PCCA: variants seen among roughly 807,000 people sequenced by gnomAD.
PCCA encodes the protein propionyl-CoA carboxylase subunit alpha, also known as propionyl-CoA carboxylase alpha chain, mitochondrial.
In PCCA, 74 loss-of-function variants were observed where a neutral mutation model predicts 101.3. The ratio of observed to expected loss-of-function variants is 0.73; its 90% confidence interval spans 0.61 to 0.89. PCCA has a LOEUF of 0.89. Ranked by LOEUF, PCCA falls within the 40% of genes least tolerant of loss-of-function variation. PCCA has a pLI of 0.00. For missense variants in PCCA, 891 were observed against 907.0 expected, an observed-to-expected ratio of 0.98 and a Z score of 0.23; for synonymous variants, 294 against 313.6, an observed-to-expected ratio of 0.94 and a Z score of 0.66.
chr13:100,528,823 G>A (rs949580144), intron 23 of PCCA, among the ~76,000 whole-genome samples: 3 of 152,206 alleles, frequency 2.0e-5, no homozygotes, highest in Non-Finnish European at 2.9e-5. Flanking sequence ...AATTTTATCT[G>A]TTCTTTGGGA....
intron 18 of PCCA, among the ~76,000 whole-genome samples, chr13:100,362,102 C>T (rs1199204534): frequency 2.6e-5 from 4 of 152,076 alleles, no homozygotes; most frequent in Non-Finnish European, 4.4e-5. Flanking sequence ...TGGATGGATG[C>T]ACCTCAAAAA....
At chr13:100,511,078 C>G (rs1186000484) in intron 21 of PCCA, among the ~76,000 whole-genome samples, 4 of 152,202 alleles carry the variant, frequency 2.6e-5, no homozygotes, top group Non-Finnish European at 5.9e-5. Context: ...TGGCTCCTAA[C>G]CTTGCTCTGC....
At chr13:100,227,146 G>GTT (rs370047489) in intron 7 of PCCA, among the ~76,000 whole-genome samples, 5 of 147,224 alleles carry the variant, frequency 3.4e-5, no homozygotes, top group African/African-American at 1.2e-4. Flanking sequence ...TAATTTTTTT[G>GTT]TTTTTTTTTT....
intron 6 of PCCA, among the ~76,000 whole-genome samples, chr13:100,203,293 A>G (rs7991510): frequency 0.015 from 2,206 of 151,448 alleles, 62 homozygotes; most frequent in African/African-American, 0.05. Flanking sequence ...AAAAAAAAGA[A>G]ATGAGATGAT....
intron 6 of PCCA, among the ~76,000 whole-genome samples, chr13:100,186,939 A>C (rs1199279906): frequency 6.6e-6 from 1 of 152,216 alleles, no homozygotes; most frequent in Non-Finnish European, 1.5e-5. Context: ...AGAATTCAAA[A>C]TTTTCAATGG....
intron 18 of PCCA, among the ~76,000 whole-genome samples, chr13:100,356,862 T>C (rs1276124089): frequency 6.6e-6 from 1 of 152,206 alleles, no homozygotes; most frequent in Non-Finnish European, 1.5e-5. Context: ...ATGTGATACG[T>C]TCATAGAATG....
intron 4 of PCCA, chr13:100,150,562 A>T: frequency 7.9e-7 from 1 of 1,260,582 alleles, no homozygotes; most frequent in South Asian, 1.2e-5. Flanking sequence ...GGTGGAACTT[A>T]CGGCCGTTTC....
At chr13:100,509,212 C>T (rs757596587) in intron 21 of PCCA, among the ~76,000 whole-genome samples, 4 of 152,156 alleles carry the variant, frequency 2.6e-5, no homozygotes, top group South Asian at 2.1e-4. Flanking sequence ...TAACTGTTAC[C>T]GTGACGCTGA....
chr13:100,360,102 G>A (rs1261325399), intron 18 of PCCA, among the ~76,000 whole-genome samples: 1 of 152,150 alleles, frequency 6.6e-6, no homozygotes, highest in Non-Finnish European at 1.5e-5. Flanking sequence ...CAGAATCATG[G>A]ACGAGGAGGG....
At chr13:100,145,048 A>G (rs2052358577) in intron 4 of PCCA, among the ~76,000 whole-genome samples, 1 of 152,238 alleles carries the variant, frequency 6.6e-6, no homozygotes, top group South Asian at 2.1e-4. Context: ...GTAGAGCCAT[A>G]TCTTGGAATT....
chr13:100,139,913 G>GTT (rs200635877), intron 4 of PCCA, among the ~76,000 whole-genome samples: 3 of 142,590 alleles, frequency 2.1e-5, no homozygotes, highest in Non-Finnish European at 1.5e-5. Flanking sequence ...GTTTTTTTTT[G>GTT]TTTTTTTTTT....
chr13:100,384,427 C>G (rs921864200), intron 19 of PCCA, among the ~76,000 whole-genome samples: 2 of 152,162 alleles, frequency 1.3e-5, no homozygotes, highest in African/African-American at 2.4e-5. Flanking sequence ...ATCTTCTGCA[C>G]AAAATAATAA....
chr13:100,264,216 CTCAT>C lies in PCCA; in HGVS notation c.819+1386_819+1389del, dbSNP rs1295463980. Among the ~76,000 whole-genome samples the C allele has an allele frequency of 1.9e-5, 2 of 103,432 alleles. 1 individual carries two copies. Among genetic ancestry groups the C allele is most frequent in the Non-Finnish European group, 4.5e-5 (2 of 43,976 alleles). 67.9% of individuals were successfully genotyped at this position (103,432 alleles called of 152,430 possible). ...TATATCATATATGTGATATCTGTAT[CTCAT>C]ATATATGTGATATCTGTATATCATA... On this transcript the variant is annotated intron_variant, in intron 10 of 23. Coordinates refer to ENST00000376285, the MANE Select transcript of PCCA (RefSeq NM_000282.4).
chr13:100,484,106 T>G (rs990909539), intron 21 of PCCA, among the ~76,000 whole-genome samples: 1 of 152,196 alleles, frequency 6.6e-6, no homozygotes, highest in African/African-American at 2.4e-5. Context: ...TAATAAATAC[T>G]TTACTTCAAA....
intron 12 of PCCA, among the ~76,000 whole-genome samples, chr13:100,287,760 C>CAT (rs2064799863): frequency 6.6e-6 from 1 of 152,042 alleles, no homozygotes; most frequent in African/African-American, 2.4e-5. Flanking sequence ...AGCATCTTAC[C>CAT]ATAGCTTCAT....
At chr13:100,328,404 A>AATAATG (rs904123736) in intron 16 of PCCA, among the ~76,000 whole-genome samples, 2,330 of 144,708 alleles carry the variant, frequency 0.016, 62 homozygotes, top group African/African-American at 0.057. Context: ...TAATAATAAT[A>AATAATG]ATGATGATAA....
At chr13:100,201,857 CAAAAAAAAAAA>C (rs55669622) in intron 6 of PCCA, among the ~76,000 whole-genome samples, 609 of 60,720 alleles carry the variant, frequency 0.01, 3 homozygotes, top group Non-Finnish European at 0.015. Flanking sequence ...AACTGCGTCT[CAAAAAAAAAAA>C]AAAAAAAAAA....
At chr13:100,191,892 T>G (rs1368265318) in intron 6 of PCCA, among the ~76,000 whole-genome samples, 2 of 152,206 alleles carry the variant, frequency 1.3e-5, no homozygotes, top group East Asian at 3.8e-4. Context: ...CTTCATCAGT[T>G]ACAAGGCTTG....
At chr13:100,329,252 A>G (rs1400396990) in intron 16 of PCCA, among the ~76,000 whole-genome samples, 1 of 152,182 alleles carries the variant, frequency 6.6e-6, no homozygotes, top group Non-Finnish European at 1.5e-5. Context: ...ATGTTAGACA[A>G]AAAGCAAATC....
Sources: allele counts gnomAD v4.1 joint callset (sites outside exome capture counted in the v4.1 genomes callset), GRCh38; gene constraint gnomAD v4.1.1; transcripts MANE v1.5; gene names NCBI Gene and HGNC (gene_info 2026-07-23, HGNC 2026-07-21).